The following PDGFRL variants were observed in gnomAD, a reference collection of about 807,000 sequenced individuals.
PDGFRL encodes the protein platelet derived growth factor receptor like.
In PDGFRL, 46 loss-of-function variants were observed where a neutral mutation model predicts 37.2. The ratio of observed to expected loss-of-function variants is 1.24; its 90% CI spans 0.98 to 1.58. The LOEUF (loss-of-function observed/expected upper bound fraction) is 1.58, where lower values mean the gene tolerates loss of function less well. Ranked by LOEUF, PDGFRL falls within the 40% of genes most tolerant of loss-of-function variation. The probability of loss-of-function intolerance (pLI) is 0.00; values close to 1 mark genes in which losing one functional copy is unlikely to be tolerated. For missense variants in PDGFRL, 692 were observed against 467.6 expected (o/e 1.48, Z -4.43); for synonymous variants, 251 against 184.3 (o/e 1.36, Z -2.93).
At chr8:17,621,672 C>T (rs1203413274) in intron 3 of PDGFRL, among the ~76,000 whole-genome samples, 1 of 152,168 alleles carries the variant, frequency 6.6e-6, no homozygotes, top group African/African-American at 2.4e-5. Flanking sequence ...GGCTATTGTA[C>T]TAGACAGCAC....
intron 2 of PDGFRL, among the ~76,000 whole-genome samples, chr8:17,607,824 A>G (rs1268947186): frequency 6.6e-6 from 1 of 152,264 alleles, no homozygotes; most frequent in Non-Finnish European, 1.5e-5. Flanking sequence ...GGAGCAAGAA[A>G]AGAGGAATAA....
intron 1 of PDGFRL, among the ~76,000 whole-genome samples, chr8:17,588,231 T>C (rs890674421): frequency 1.3e-5 from 2 of 152,184 alleles, no homozygotes; most frequent in Non-Finnish European, 2.9e-5. Context: ...ACAGTTACAG[T>C]TGAGTTTTGA....
rs577545802 is a variant in PDGFRL at position 17,633,990 on chromosome 8, C to G, written c.800-84C>G. ...GAGAAAGGCAGAAAATTCCATCTCT[C>G]TCCATGGAAAAGAATGCATCTGTAG... On this transcript the variant is annotated intron_variant, in intron 4 of 5. Coordinates refer to ENST00000251630, the MANE Select transcript of PDGFRL (RefSeq NM_001372073.1). The G allele has an allele frequency of 3.1e-5, 41 of 1,342,508 alleles. No homozygotes were observed. The Admixed American group carries it at 6.7e-4, about 22-fold the overall frequency. 83.2% of individuals were successfully genotyped at this position (1,342,508 alleles called of 1,614,324 possible).
chr8:17,609,634 TAAAAAAAAAAAAAAA>T (rs3040922), intron 2 of PDGFRL, among the ~76,000 whole-genome samples: 20 of 43,546 alleles, frequency 4.6e-4, no homozygotes, highest in African/African-American at 1.3e-3. Context: ...TGAGACTCTG[TAAAAAAAAAAAAAAA>T]AAAAAAAAAA....
chr8:17,626,046 C>A (rs1804727544), intron 3 of PDGFRL, among the ~76,000 whole-genome samples: 1 of 152,192 alleles, frequency 6.6e-6, no homozygotes, highest in South Asian at 2.1e-4. Context: ...TCACACGGTT[C>A]ACTTATTCGA....
intron 3 of PDGFRL, among the ~76,000 whole-genome samples, chr8:17,625,372 G>C (rs192878030): frequency 1.3e-5 from 2 of 151,832 alleles, no homozygotes; most frequent in African/African-American, 4.8e-5. Flanking sequence ...GGAGGGTCTC[G>C]GTCTCCTGAC....
At chr8:17,639,663 T>C (rs1805050617) in intron 5 of PDGFRL, among the ~76,000 whole-genome samples, 1 of 152,200 alleles carries the variant, frequency 6.6e-6, no homozygotes, top group Non-Finnish European at 1.5e-5. Flanking sequence ...TCTGACATGT[T>C]TTCCTTTATA....
At chr8:17,602,646 C>T (rs1005849474) in intron 2 of PDGFRL, among the ~76,000 whole-genome samples, 2 of 152,034 alleles carry the variant, frequency 1.3e-5, no homozygotes, top group African/African-American at 2.4e-5. Context: ...TCTTTGGATG[C>T]CAGAGTGTGA....
intron 2 of PDGFRL, 132 bp downstream of exon 2, chr8:17,589,897 C>G (rs1803898425): frequency 3.2e-6 from 2 of 625,380 alleles, no homozygotes; most frequent in Non-Finnish European, 5.5e-6. Context: ...AATAGAAGCT[C>G]AAAGGGCAAA....
chr8:17,591,643 C>A (rs984808203), intron 2 of PDGFRL, among the ~76,000 whole-genome samples: 1 of 152,174 alleles, frequency 6.6e-6, no homozygotes, highest in East Asian at 1.9e-4. Flanking sequence ...AGGCTGGGCA[C>A]GGTGGCTCAC....
chr8:17,582,353 G>T (rs149708953), intron 1 of PDGFRL, among the ~76,000 whole-genome samples: 347 of 152,216 alleles, frequency 2.3e-3, no homozygotes, highest in Non-Finnish European at 2.9e-3. Flanking sequence ...ACTTTGGGAG[G>T]CAGGCGGATC....
At chr8:17,624,108 T>G (rs1050325097) in intron 3 of PDGFRL, among the ~76,000 whole-genome samples, 1 of 152,142 alleles carries the variant, frequency 6.6e-6, no homozygotes, top group Non-Finnish European at 1.5e-5. Flanking sequence ...ATTTTTACTA[T>G]AGGGTTTGGC....
chr8:17,602,712 A>G (rs3862078), intron 2 of PDGFRL, among the ~76,000 whole-genome samples: 38,636 of 152,012 alleles, frequency 0.25, 5,480 homozygotes, highest in African/African-American at 0.37. Context: ...GCGTAACTGC[A>G]GGATGCTCTT....
At chr8:17,592,506 G>A (rs1372364329) in intron 2 of PDGFRL, among the ~76,000 whole-genome samples, 1 of 152,182 alleles carries the variant, frequency 6.6e-6, no homozygotes, top group African/African-American at 2.4e-5. Context: ...TCATATGGCA[G>A]TGAAGCCCTC....
At chr8:17,622,726 A>G (rs2129773100) in intron 3 of PDGFRL, among the ~76,000 whole-genome samples, 1 of 152,306 alleles carries the variant, frequency 6.6e-6, no homozygotes, top group South Asian at 2.1e-4. Flanking sequence ...CAGCAAAAAG[A>G]GGGGTCCTGA....
intron 1 of PDGFRL, among the ~76,000 whole-genome samples, chr8:17,588,098 C>G (rs1480431550): frequency 2.0e-5 from 3 of 152,138 alleles, no homozygotes; most frequent in Admixed American, 2.0e-4. Context: ...AAAATGACAA[C>G]AAAAGCAACT....
intron 5 of PDGFRL, among the ~76,000 whole-genome samples, chr8:17,634,643 A>G (rs1804933016): frequency 6.6e-6 from 1 of 152,220 alleles, no homozygotes. Flanking sequence ...CAGCCATGAA[A>G]AAGAATGAGA....
At chr8:17,612,551 A>G (rs1359971109) in intron 2 of PDGFRL, among the ~76,000 whole-genome samples, 2 of 152,068 alleles carry the variant, frequency 1.3e-5, no homozygotes, top group African/African-American at 4.8e-5. Context: ...TTGCATTTTT[A>G]GTAGATATGT....
intron 3 of PDGFRL, among the ~76,000 whole-genome samples, chr8:17,625,633 A>C (rs1804718625): frequency 6.6e-6 from 1 of 152,306 alleles, no homozygotes; most frequent in African/African-American, 2.4e-5. Context: ...TTTTTAAAGC[A>C]ACTGGTTTGG....
Sources: allele counts gnomAD v4.1 joint callset (sites outside exome capture counted in the v4.1 genomes callset), GRCh38; gene constraint gnomAD v4.1.1; transcripts MANE v1.5; gene names NCBI Gene and HGNC (gene_info 2026-07-23, HGNC 2026-07-21).